Variants in GTF2H1 observed in about 807,000 individuals in gnomAD.
GTF2H1 encodes BTF2 p62.
GTF2H1 carries 16 observed loss-of-function variants against 71.2 expected under a neutral mutation model. That is an observed-to-expected ratio of 0.22 (90% confidence interval 0.15 to 0.34). The LOEUF (loss-of-function observed/expected upper bound fraction) is 0.34, where lower values mean the gene tolerates loss of function less well. Among genes scored for constraint, GTF2H1 ranks in the 10% least tolerant of loss-of-function variants. The probability of loss-of-function intolerance (pLI) is 1.00; values close to 1 mark genes in which losing one functional copy is unlikely to be tolerated. For missense variants in GTF2H1, 498 were observed against 648.2 expected (o/e 0.77, Z 2.52); for synonymous variants, 215 against 219.0 (o/e 0.98, Z 0.16).
In GTF2H1 at chr11:18,339,568, A is replaced by T; in HGVS notation, c.518A>T (p.Asp173Val). 1.2e-6 allele frequency: 2 copies of T among 1,610,916 alleles called. No homozygotes were observed. The highest frequency in any genetic ancestry group is 1.7e-6 in the Non-Finnish European group (2 of 1,177,214). ...TGTGTATGGGCTTTGTTTTAGGCTG[A>T]TGTCCGGCCCCAAACTGATGGCTGT... Reference protein sequence around the residue: ...DVGISAAFLADVRPQTDGCNG... With the variant: ...DVGISAAFLAVVRPQTDGCNG... Residue 173 changes from aspartate (D) to valine (V), a missense_variant, in exon 5 of 15, where the codon GAT becomes GTT. By Grantham distance (152) the Asp-to-Val change is radical (BLOSUM62 -3). Transcript: ENST00000265963.
At chr11:18,365,573 C>G (rs577132667) in intron 14 of GTF2H1, among the ~76,000 whole-genome samples, 1 of 152,178 alleles carries the variant, frequency 6.6e-6, no homozygotes, top group East Asian at 1.9e-4. Context: ...ACAACCGCAG[C>G]CTTTTCACTG....
At chr11:18,335,654 C>G (rs1195755276) in intron 2 of GTF2H1, 100 bp from the exon 3 acceptor site, 1 of 822,032 alleles carries the variant, frequency 1.2e-6, no homozygotes. Context: ...GCAGTTAAAG[C>G]CCAAAGGAAT....
At chr11:18,341,726 C>A in intron 7 of GTF2H1, 119 bp downstream of exon 7, 1 of 608,048 alleles carries the variant, frequency 1.6e-6, no homozygotes, top group Non-Finnish European at 2.9e-6. Context: ...AATACTGTTA[C>A]TTGAAGTGAT....
chr11:18,358,728 A>G (rs1247010123), intron 13 of GTF2H1, 88 bp downstream of exon 13: 8 of 773,070 alleles, frequency 1.0e-5, no homozygotes, highest in Non-Finnish European at 1.8e-5. Flanking sequence ...GAGTCTTACC[A>G]TGTGACAGAC....
Position 18,339,528 on chromosome 11 carries a change from G to A in GTF2H1, c.514-36G>A, listed in dbSNP as rs1375233894. ...GGGACCTGAGCCATCTTTCCCTGAT[G>A]CTCTAACGTGTATGTGTGTATGGGC... On this transcript the variant is annotated intron_variant, in intron 4 of 14. Transcript: ENST00000265963. 19 of 1,424,492 alleles carry A rather than the reference G, an allele frequency of 1.3e-5. No homozygotes were observed. The South Asian group carries it at 2.1e-4, about 16-fold the overall frequency. 88.2% of individuals were successfully genotyped at this position (1,424,492 alleles called of 1,614,324 possible). A position where few individuals can be genotyped will look rare whatever the true frequency, so the allele number is the denominator to read the frequency against.
intron 3 of GTF2H1, among the ~76,000 whole-genome samples, chr11:18,336,818 G>C (rs894148740): frequency 6.7e-6 from 1 of 150,236 alleles, no homozygotes; most frequent in African/African-American, 2.4e-5. Context: ...GCAGTGGCGT[G>C]ATCTCAGCTC....
chr11:18,336,003 G>T (rs1865019002), intron 3 of GTF2H1, 57 bp downstream of exon 3: 1 of 1,302,668 alleles, frequency 7.7e-7, no homozygotes, highest in African/African-American at 1.5e-5. Context: ...TAGTCTCCTA[G>T]TATGCTAATA....
intron 5 of GTF2H1, among the ~76,000 whole-genome samples, chr11:18,340,092 T>TCTTACC (rs1865123251): frequency 6.6e-6 from 1 of 152,120 alleles, no homozygotes; most frequent in Non-Finnish European, 1.5e-5. Flanking sequence ...TCTTCCCCAC[T>TCTTACC]CTTACCCCTT....
chr11:18,362,135 G>A (rs1865717438), intron 14 of GTF2H1, among the ~76,000 whole-genome samples: 2 of 152,154 alleles, frequency 1.3e-5, no homozygotes, highest in African/African-American at 4.8e-5. Context: ...ATATGGTGTA[G>A]CCTGTTGCTC....
chr11:18,340,434 C>T (rs749619658), intron 5 of GTF2H1, among the ~76,000 whole-genome samples: 5 of 152,058 alleles, frequency 3.3e-5, no homozygotes, highest in South Asian at 2.1e-4. Context: ...ACTACAGGCA[C>T]GTGCCACCAC....
intron 13 of GTF2H1, 74 bp from the exon 14 acceptor site, chr11:18,360,541 G>A (rs1298067721): frequency 2.9e-6 from 2 of 687,094 alleles, no homozygotes; most frequent in East Asian, 2.9e-5. Context: ...ACTTTCATAT[G>A]TAGAAGATTG....
intron 7 of GTF2H1, among the ~76,000 whole-genome samples, chr11:18,342,379 A>C (rs776754753): frequency 3.4e-5 from 5 of 146,828 alleles, no homozygotes; most frequent in Admixed American, 7.1e-5. Context: ...CTCCTGCCTC[A>C]GCCTCCCAAG....
At position 18,352,372 on chromosome 11, in the gene GTF2H1, A is replaced by G; in HGVS notation, c.1186A>G (p.Thr396Ala). The change falls in exon 11 of 15, where the codon ACA (threonine) becomes GCA (alanine). Residue 396 changes from threonine to alanine, a missense_variant. Thr to Ala is a moderately conservative substitution (Grantham distance 58). This residue lies in a region of GTF2H1 where 266 missense variants were observed against 301.6 expected (regional missense o/e 0.88). Transcript: ENST00000265963. ...TCCAATCCAGTCACTACAGTATGCA[A>G]CAAGTCAGGACATTATTAATTCTTT... Reference protein sequence around the residue: ...PTPIQSLQYATSQDIINSFQS... With the variant: ...PTPIQSLQYAASQDIINSFQS... The G allele has an allele frequency of 6.3e-7, 1 of 1,585,904 alleles. No individual in the cohort carries two copies. Among genetic ancestry groups the G allele is most frequent in the Non-Finnish European group, 8.7e-7 (1 of 1,154,550 alleles).
chr11:18,333,666 G>A (rs1864954036), intron 2 of GTF2H1: 1 of 154,042 alleles, frequency 6.5e-6, no homozygotes, highest in Admixed American at 6.5e-5. Flanking sequence ...GTTATTGTTG[G>A]TAGGGACAGA....
intron 7 of GTF2H1, among the ~76,000 whole-genome samples, chr11:18,346,733 C>CTTTTTTTTTTTTTTTTTTTT (rs35494754): frequency 3.5e-5 from 3 of 85,216 alleles, no homozygotes; most frequent in African/African-American, 4.9e-5. Flanking sequence ...TTTTTATTTA[C>CTTTTTTTTTTTTTTTTTTTT]TTTTTTTTTT....
intron 8 of GTF2H1, 33 bp downstream of exon 8, chr11:18,347,748 G>A: frequency 6.2e-7 from 1 of 1,606,540 alleles, no homozygotes; most frequent in South Asian, 1.1e-5. Context: ...CAGTAACTGG[G>A]CTTTTCAGGA....
At chr11:18,338,913 T>C (rs1405201102) in intron 4 of GTF2H1, among the ~76,000 whole-genome samples, 1 of 152,236 alleles carries the variant, frequency 6.6e-6, no homozygotes, top group Non-Finnish European at 1.5e-5. Flanking sequence ...CTTTTTCAAA[T>C]ATTTTCAAAT....
intron 14 of GTF2H1, among the ~76,000 whole-genome samples, chr11:18,363,943 A>G (rs1865763584): frequency 6.6e-6 from 1 of 152,102 alleles, no homozygotes; most frequent in South Asian, 2.1e-4. Flanking sequence ...GCGTTGTGGC[A>G]AGTGCCCCTA....
intron 7 of GTF2H1, among the ~76,000 whole-genome samples, chr11:18,343,358 T>G (rs149197661): frequency 1.3e-5 from 2 of 152,358 alleles, no homozygotes; most frequent in East Asian, 3.9e-4. Flanking sequence ...GTTATCTGTA[T>G]TTTTAGATGC....
Sources: allele counts gnomAD v4.1 joint callset (sites outside exome capture counted in the v4.1 genomes callset), GRCh38; gene constraint gnomAD v4.1.1; regional missense constraint gnomAD v4.1.1; transcripts MANE v1.5; gene names NCBI Gene and HGNC (gene_info 2026-07-23, HGNC 2026-07-21).